Variants in BBS9 observed in about 807,000 individuals in gnomAD.
BBS9 encodes Bardet-Biedl syndrome 9.
Under a neutral mutation model 117.7 loss-of-function variants are expected in BBS9, and 89 were observed. That is an observed-to-expected ratio of 0.76 (90% CI 0.64 to 0.90). The LOEUF is 0.90. Ranked by LOEUF, BBS9 falls within the 40% of genes least tolerant of loss-of-function variation. BBS9 has a pLI of 0.00. For missense variants in BBS9, 982 were observed against 1,042.2 expected, an observed-to-expected ratio of 0.94 and a Z score of 0.80; for synonymous variants, 379 against 370.9, an observed-to-expected ratio of 1.02 and a Z score of -0.25.
At chr7:33,291,564 T>G (rs1804050707) in intron 9 of BBS9, among the ~76,000 whole-genome samples, 1 of 152,190 alleles carries the variant, frequency 6.6e-6, no homozygotes, top group South Asian at 2.1e-4. Context: ...AGTAGAAGTA[T>G]ATGTTACTTT....
At chr7:33,236,087 G>C (rs1010509600) in intron 5 of BBS9, among the ~76,000 whole-genome samples, 3 of 152,008 alleles carry the variant, frequency 2.0e-5, no homozygotes, top group East Asian at 3.9e-4. Context: ...CAGCACTTTG[G>C]GGGGCTGAGG....
chr7:33,155,206 C>T (rs1793924966), intron 3 of BBS9, among the ~76,000 whole-genome samples: 1 of 152,206 alleles, frequency 6.6e-6, no homozygotes, highest in South Asian at 2.1e-4. Context: ...TTTAACCTTT[C>T]CAAGATGGTT....
chr7:33,150,233 T>A (rs1793093247), intron 2 of BBS9, among the ~76,000 whole-genome samples: 2 of 152,210 alleles, frequency 1.3e-5, no homozygotes, highest in African/African-American at 4.8e-5. Context: ...CCAAAGACCC[T>A]GAGTTTTATT....
intron 20 of BBS9, among the ~76,000 whole-genome samples, chr7:33,529,103 G>A (rs1850153526): frequency 6.6e-6 from 1 of 152,180 alleles, no homozygotes; most frequent in African/African-American, 2.4e-5. Context: ...ACTAGGCAAG[G>A]CCAGGTCCTT....
At chr7:33,395,845 C>G (rs1024489013) in intron 19 of BBS9, among the ~76,000 whole-genome samples, 1 of 152,022 alleles carries the variant, frequency 6.6e-6, no homozygotes, top group Non-Finnish European at 1.5e-5. Flanking sequence ...TATAATGAAA[C>G]CATTCAGAGG....
rs531618473 is a variant in BBS9 at position 33,585,418 on chromosome 7, A to G, written c.2522-19447A>G. Reference sequence around the variant, plus strand: ...TTTCTATGTGTCTTTCCTTTCTGACAAGGAGAAGCGAGAGAATGGGATAGT... The same window carrying G: ...TTTCTATGTGTCTTTCCTTTCTGACGAGGAGAAGCGAGAGAATGGGATAGT... On this transcript the variant is annotated intron_variant, in intron 21 of 22. Transcript: ENST00000242067. Among the ~76,000 whole-genome samples the G allele has an allele frequency of 5.4e-3, 820 of 152,202 alleles. 2 individuals are homozygous for G. The highest frequency in any genetic ancestry group is 8.4e-3 in the Non-Finnish European group (573 of 67,988).
intron 5 of BBS9, among the ~76,000 whole-genome samples, chr7:33,178,269 G>C (rs1040796614): frequency 3.3e-5 from 5 of 152,204 alleles, no homozygotes; most frequent in African/African-American, 4.8e-5. Context: ...CCAGAGGAAG[G>C]GGTGCTTTTT....
intron 19 of BBS9, among the ~76,000 whole-genome samples, chr7:33,490,831 A>T (rs1843789899): frequency 6.6e-6 from 1 of 152,232 alleles, no homozygotes; most frequent in Admixed American, 6.5e-5. Flanking sequence ...AAAATAAGTA[A>T]CAACTTTGTG....
At chr7:33,227,530 G>C (rs1013003250) in intron 5 of BBS9, among the ~76,000 whole-genome samples, 5 of 151,980 alleles carry the variant, frequency 3.3e-5, no homozygotes, top group Non-Finnish European at 5.9e-5. Context: ...TTCTTTAGTG[G>C]CAATTTCTGG....
At chr7:33,611,698 AAT>A (rs1035675307) in intron 21 of BBS9, among the ~76,000 whole-genome samples, 11 of 138,450 alleles carry the variant, frequency 7.9e-5, no homozygotes, top group South Asian at 4.3e-4. Context: ...AATTAATATT[AAT>A]ATATATAAGG....
At chr7:33,498,013 A>T (rs1844959773) in intron 19 of BBS9, among the ~76,000 whole-genome samples, 1 of 152,210 alleles carries the variant, frequency 6.6e-6, no homozygotes, top group Admixed American at 6.5e-5. Context: ...GAGCCCAACC[A>T]ATTAGAAATG....
chr7:33,522,071 T>G (rs1848703018), intron 20 of BBS9, among the ~76,000 whole-genome samples: 1 of 151,978 alleles, frequency 6.6e-6, no homozygotes, highest in Non-Finnish European at 1.5e-5. Flanking sequence ...ACAAAGGACA[T>G]GAATTCATCA....
At chr7:33,407,228 G>C (rs540716510) in intron 19 of BBS9, among the ~76,000 whole-genome samples, 8 of 151,996 alleles carry the variant, frequency 5.3e-5, no homozygotes, top group Non-Finnish European at 1.0e-4. Context: ...GATTGCATTG[G>C]CTCCTGAGGC....
rs530555067 is a variant in BBS9, at chr7:33,185,300, A to G, written c.442+7709A>G. 3.4e-5 allele frequency among the ~76,000 whole-genome samples: 5 copies of G among 148,364 alleles called. No homozygotes were observed. The East Asian group carries it at 9.8e-4, about 29-fold the overall frequency. Reference sequence around the variant, plus strand: ...GCCCAGTAGGTCTCAGCCTCATTTTACCCAGTCCCTATTCACGGTGGAGTC... The same window carrying G: ...GCCCAGTAGGTCTCAGCCTCATTTTGCCCAGTCCCTATTCACGGTGGAGTC... On this transcript the variant is annotated intron_variant, in intron 5 of 22. Transcript: ENST00000242067.
intron 5 of BBS9, among the ~76,000 whole-genome samples, chr7:33,189,064 C>G (rs1225579935): frequency 2.0e-5 from 3 of 152,038 alleles, no homozygotes; most frequent in Non-Finnish European, 4.4e-5. Context: ...CATTGTCACC[C>G]AGGCTGAGTG....
downstream of BBS9, among the ~76,000 whole-genome samples, chr7:33,607,727 T>A (rs183382506): frequency 3.7e-3 from 567 of 152,078 alleles, 8 homozygotes; most frequent in African/African-American, 0.013. Context: ...CAGACTTTTT[T>A]AAAAAAAATT....
intron 19 of BBS9, among the ~76,000 whole-genome samples, chr7:33,389,517 G>T (rs1393878947): frequency 6.6e-6 from 1 of 151,714 alleles, no homozygotes; most frequent in South Asian, 2.1e-4. Flanking sequence ...GTGAAACCCT[G>T]TCTCTACTAA....
chr7:33,177,468 T>G lies in BBS9; in HGVS notation c.329-10T>G. 1.9e-6 allele frequency: 3 copies of G among 1,572,518 alleles called. No homozygotes were observed. The highest frequency in any genetic ancestry group is 2.6e-6 in the Non-Finnish European group (3 of 1,144,590). ...CAAATACAAAGTAATCCTTTTTTTTTTTTCCTTAGGAACCTTGGGTAATGT... is the reference window on the plus strand; with the variant it reads ...CAAATACAAAGTAATCCTTTTTTTTGTTTCCTTAGGAACCTTGGGTAATGT... On this transcript the variant is annotated splice_polypyrimidine_tract_variant and intron_variant, in intron 4 of 22. Coordinates refer to ENST00000242067, the MANE Select transcript of BBS9 (RefSeq NM_198428.3).
chr7:33,540,890 T>G (rs936960986), intron 21 of BBS9, among the ~76,000 whole-genome samples: 5 of 152,246 alleles, frequency 3.3e-5, no homozygotes, highest in African/African-American at 1.2e-4. Context: ...GATCTCTGAC[T>G]AATGTTTCAC....
Sources: gnomAD v4.1 joint callset for allele counts (sites outside exome capture counted in the v4.1 genomes callset) on GRCh38, gnomAD v4.1.1 for gene constraint, MANE v1.5 for transcripts, NCBI Gene and HGNC (gene_info 2026-07-23, HGNC 2026-07-21) for gene names.